EPN1: variants seen among roughly 807,000 people sequenced by gnomAD.
EPN1 encodes the protein epsin 1, also known as epsin-1.
Under a neutral mutation model 56.9 loss-of-function variants are expected in EPN1, and 25 were observed. That is an observed-to-expected ratio of 0.44 (90% CI 0.32 to 0.61). The LOEUF (loss-of-function observed/expected upper bound fraction) is 0.61. EPN1 is among the 20% of genes least tolerant of loss of function. The pLI is 0.05. For synonymous variants in EPN1, 411 were observed against 361.8 expected (o/e 1.14, Z -1.54); for missense variants, 785 against 823.7 (o/e 0.95, Z 0.58).
chr19:55,709,079 T>G lies in EPN1; in HGVS notation c.*13723T>G. Reference sequence around the variant, plus strand: ...TAGAAATAAAGTTTTTTTTTTTGTTTTTCATTTTTACACAGTATTGCCTCT... The same window carrying G: ...TAGAAATAAAGTTTTTTTTTTTGTTGTTCATTTTTACACAGTATTGCCTCT... On this transcript the variant is annotated 3_prime_UTR_variant, in exon 11 of 11. Transcript: ENST00000270460. 1 of 1,522,902 alleles carries G rather than the reference T, an allele frequency of 6.6e-7. No homozygotes were observed. Among genetic ancestry groups the G allele is most frequent in the Non-Finnish European group, 8.8e-7 (1 of 1,136,126 alleles). 94.3% of individuals were successfully genotyped at this position (1,522,902 alleles called of 1,614,324 possible).
In EPN1 at chr19:55,707,184, C is replaced by CAAAAA; in HGVS notation, c.*11839_*11843dup. 1 of 108,948 alleles carries CAAAAA rather than the reference C, an allele frequency of 9.2e-6. No homozygotes were observed. The highest frequency in any genetic ancestry group is 2.6e-4 in the East Asian group (1 of 3,796). The allele number at this position is 108,948 out of a possible 1,614,324, so 6.7% of individuals were successfully genotyped here. A position where few individuals can be genotyped will look rare whatever the true frequency, so the allele number is the denominator to read the frequency against. ...CGAGCAACAGAGTGAGGCTGTCTCT[C>CAAAAA]AAAAAAAAAAAAAAAGGAACGGTAG... On this transcript the variant is annotated 3_prime_UTR_variant, in exon 11 of 11. Coordinates refer to ENST00000270460, the MANE Select transcript of EPN1 (RefSeq NM_001130072.2).
chr19:55,706,144 T>TC lies in EPN1; in HGVS notation c.*10789dup, dbSNP rs1055608038. On this transcript the variant is annotated 3_prime_UTR_variant, in exon 11 of 11. Coordinates refer to ENST00000270460, the MANE Select transcript of EPN1 (RefSeq NM_001130072.2). ...ATGAGACTGGAGAACTTTGATTTCT[T>TC]CTTCCTCCTCCTCCTCTCTTTTCTT... 1.6e-5 allele frequency: 3 copies of TC among 185,034 alleles called. No individual in the cohort carries two copies. Among genetic ancestry groups the TC allele is most frequent in the Admixed American group, 6.0e-5 (1 of 16,626 alleles). 11.5% of individuals were successfully genotyped at this position (185,034 alleles called of 1,614,324 possible).
At chr19:55,675,716 C>T (rs1780089455) in intron 1 of EPN1, among the ~76,000 whole-genome samples, 1 of 152,136 alleles carries the variant, frequency 6.6e-6, no homozygotes, top group Non-Finnish European at 1.5e-5. Context: ...GTTTGTGTGT[C>T]TGTCCCGGGT....
intron 2 of EPN1, among the ~76,000 whole-genome samples, chr19:55,684,977 C>T (rs940694062): frequency 3.9e-5 from 6 of 152,240 alleles, no homozygotes; most frequent in African/African-American, 1.4e-4. Context: ...GCTGGGCGAC[C>T]ACCTCTGTCC....
At position 55,695,501 on chromosome 19, in the gene EPN1, C is replaced by A; in HGVS notation, c.*145C>A. ...GGGCCCACTCACACTACACCCTCTTCCTTTCCCACCCCACCTCCCCGGAGA... is the reference window on the plus strand; with the variant it reads ...GGGCCCACTCACACTACACCCTCTTACTTTCCCACCCCACCTCCCCGGAGA... On this transcript the variant is annotated 3_prime_UTR_variant, in exon 11 of 11. Coordinates refer to ENST00000270460, the MANE Select transcript of EPN1 (RefSeq NM_001130072.2). This position sits in a 1 kb window ranked among gnomAD's most constrained non-coding sequence, Gnocchi z 4.4. 2 of 599,000 alleles carry A rather than the reference C, an allele frequency of 3.3e-6. No homozygotes were observed. Among genetic ancestry groups the A allele is most frequent in the Non-Finnish European group, 5.9e-6 (2 of 338,198 alleles). 37.1% of individuals were successfully genotyped at this position (599,000 alleles called of 1,614,324 possible).
At chr19:55,677,014 G>A (rs2122155053) in intron 1 of EPN1, 1 of 1,192,242 alleles carries the variant, frequency 8.4e-7, no homozygotes, top group South Asian at 1.6e-5. Context: ...ACTCCAGAGA[G>A]TTACTTTTTA....
intron 6 of EPN1, 100 bp downstream of exon 6, chr19:55,690,050 A>G: frequency 8.5e-7 from 1 of 1,170,602 alleles, no homozygotes; most frequent in Non-Finnish European, 1.2e-6. Context: ...AGACTGAAAC[A>G]CAAGGTCCTG....
rs1987217158 is a variant in EPN1, at chr19:55,702,953, C to T, written c.*7597C>T. 1.3e-5 allele frequency: 2 copies of T among 152,170 alleles called. No homozygotes were observed. Among genetic ancestry groups the T allele is most frequent in the South Asian group, 2.1e-4 (1 of 4,808 alleles). 9.4% of individuals were successfully genotyped at this position (152,170 alleles called of 1,614,324 possible). ...GGGACTACAGGCGCCCACCACCACGCCCGGCTAAGCTAATTTTTTGTATTG... is the reference window on the plus strand; with the variant it reads ...GGGACTACAGGCGCCCACCACCACGTCCGGCTAAGCTAATTTTTTGTATTG... On this transcript the variant is annotated 3_prime_UTR_variant, in exon 11 of 11. Coordinates refer to ENST00000270460, the MANE Select transcript of EPN1 (RefSeq NM_001130072.2).
Position 55,708,360 on chromosome 19 carries a change from C to T in EPN1, c.*13004C>T, listed in dbSNP as rs996280959. 5 of 152,110 alleles carry T rather than the reference C, an allele frequency of 3.3e-5. No homozygotes were observed. The highest frequency in any genetic ancestry group is 1.2e-4 in the African/African-American group (5 of 41,402). The allele number at this position is 152,110 out of a possible 1,614,324, so 9.4% of individuals were successfully genotyped here. On this transcript the variant is annotated 3_prime_UTR_variant, in exon 11 of 11. Transcript: ENST00000270460. ...TTAATATTGTGTTTTGAAATATAAA[C>T]AGTGTAGATATATTTGAATAATACT... is the stretch of plus-strand genomic sequence containing the variant.
chr19:55,682,929 G>A (rs1466044590), intron 2 of EPN1, among the ~76,000 whole-genome samples: 1 of 150,872 alleles, frequency 6.6e-6, no homozygotes, highest in African/African-American at 2.4e-5. Context: ...GCTAATTTTT[G>A]TATTTTTAGT....
In EPN1 at chr19:55,695,179, C is replaced by T. The variant is rs1354173541; in HGVS notation, c.1554C>T (p.Asn518=). The change falls in exon 11 of 11, where the codon AAC becomes AAT. Residue 518 remains asparagine (N), a synonymous_variant. Coordinates refer to ENST00000270460, the MANE Select transcript of EPN1 (RefSeq NM_001130072.2). The surrounding 1 kb of genome is among the most constrained non-coding windows in gnomAD (Gnocchi z 4.4). ...CAGCCACTGGCCCTTCCGTCACCAA[C>T]CCCTTCCAGCCCGCGCCTCCCGCGA... The part of the protein sequence containing the change: ...GGPATGPSVT[N]PFQPAPPATL... 1.2e-6 allele frequency: 2 copies of T among 1,613,686 alleles called. No individual in the cohort carries two copies. Among genetic ancestry groups the T allele is most frequent in the Non-Finnish European group, 8.5e-7 (1 of 1,179,850 alleles).
At chr19:55,690,602 G>A (rs1986479590) in intron 6 of EPN1, among the ~76,000 whole-genome samples, 1 of 152,192 alleles carries the variant, frequency 6.6e-6, no homozygotes, top group African/African-American at 2.4e-5. Context: ...CCTCTCCCTG[G>A]TTACTAGTCT....
chr19:55,688,747 G>T, intron 3 of EPN1, 123 bp from the exon 4 acceptor site: 1 of 1,401,370 alleles, frequency 7.1e-7, no homozygotes, highest in Non-Finnish European at 9.7e-7. Context: ...GCCTGCAGAG[G>T]TTGTAGGGTG....
chr19:55,677,264 C>T, intron 1 of EPN1: 1 of 1,119,830 alleles, frequency 8.9e-7, no homozygotes, highest in Non-Finnish European at 1.3e-6. Context: ...TCTCAGTTTC[C>T]ACCCTGTGAG....
chr19:55,692,200 C>A (rs1039324093), intron 7 of EPN1, 143 bp downstream of exon 7: 2 of 698,874 alleles, frequency 2.9e-6, no homozygotes, highest in Non-Finnish European at 2.1e-6. Context: ...GGGGCAAGGG[C>A]GGGGGTCAGA....
intron 2 of EPN1, among the ~76,000 whole-genome samples, chr19:55,682,036 G>A (rs907677139): frequency 6.6e-6 from 1 of 151,578 alleles, no homozygotes; most frequent in Admixed American, 6.6e-5. Context: ...GAACTCCTGG[G>A]CTCAAGCGAT....
rs1423043099 is a variant in EPN1 at position 55,697,939 on chromosome 19, A to G, written c.*2583A>G. 2 of 152,044 alleles carry G rather than the reference A, an allele frequency of 1.3e-5. No homozygotes were observed. The highest frequency in any genetic ancestry group is 2.9e-5 in the Non-Finnish European group (2 of 68,008). 9.4% of individuals were successfully genotyped at this position (152,044 alleles called of 1,614,324 possible). On this transcript the variant is annotated 3_prime_UTR_variant, in exon 11 of 11. Coordinates refer to ENST00000270460, the MANE Select transcript of EPN1 (RefSeq NM_001130072.2). The stretch of plus-strand genomic sequence containing the variant: ...AGCTTGTTAAATGGCCGTGAGGAAG[A>G]CTTTATTCAGGACCATCGAGACAGG...
Position 55,704,627 on chromosome 19 carries a change from A to T in EPN1, c.*9271A>T, listed in dbSNP as rs1987306040. On this transcript the variant is annotated 3_prime_UTR_variant, in exon 11 of 11. Transcript: ENST00000270460. The stretch of plus-strand genomic sequence containing the variant: ...TGACAGCCCTAACATGAATGCAGCC[A>T]TCCACACTGTCTGGGGGAAGGCACA... The T allele has an allele frequency of 6.6e-6, 1 of 152,210 alleles. No individual in the cohort carries two copies. The highest frequency in any genetic ancestry group is 1.5e-5 in the Non-Finnish European group (1 of 68,076). 9.4% of individuals were successfully genotyped at this position (152,210 alleles called of 1,614,324 possible). A position where few individuals can be genotyped will look rare whatever the true frequency, so the allele number is the denominator to read the frequency against.
At chr19:55,677,012 G>A in intron 1 of EPN1, 1 of 1,152,084 alleles carries the variant, frequency 8.7e-7, no homozygotes. Context: ...GGACTCCAGA[G>A]AGTTACTTTT....
Sources: gnomAD v4.1 joint callset for allele counts (sites outside exome capture counted in the v4.1 genomes callset) on GRCh38, gnomAD v4.1.1 for gene constraint, Gnocchi (gnomAD v3.1) non-coding constraint, MANE v1.5 for transcripts, NCBI Gene and HGNC (gene_info 2026-07-23, HGNC 2026-07-21) for gene names.